Variants in MYO3A observed in about 807,000 individuals in gnomAD.
MYO3A encodes the protein myosin-IIIa.
MYO3A carries 180 observed loss-of-function variants against 192.7 expected under a neutral mutation model. The ratio of observed to expected loss-of-function variants is 0.93; its 90% CI spans 0.83 to 1.06. The LOEUF is 1.06. Among genes scored for constraint, MYO3A ranks in the 50% least tolerant of loss-of-function variants. The probability of loss-of-function intolerance (pLI) is 0.00; values close to 1 mark genes in which losing one functional copy is unlikely to be tolerated. For synonymous variants in MYO3A, 628 were observed against 645.3 expected, an observed-to-expected ratio of 0.97 and a Z score of 0.41; for missense variants, 1,896 against 1,905.0, an observed-to-expected ratio of 1.00 and a Z score of 0.09.
intron 6 of MYO3A, among the ~76,000 whole-genome samples, chr10:26,010,362 A>G (rs75565226): frequency 0.094 from 14,264 of 151,168 alleles, 1,165 homozygotes; most frequent in African/African-American, 0.21. Flanking sequence ...ACCTCAAAAG[A>G]TTTTTTAACC....
chr10:26,104,751 C>G (rs1442979298), intron 17 of MYO3A, among the ~76,000 whole-genome samples: 2 of 151,728 alleles, frequency 1.3e-5, no homozygotes, highest in Non-Finnish European at 1.5e-5. Context: ...TCCCTCTTCC[C>G]CATCTTACCT....
At position 26,075,794 on chromosome 10, in the gene MYO3A, T is replaced by C. The variant is rs1835530416; in HGVS notation, c.1359+5393T>C. On this transcript the variant is annotated intron_variant, in intron 14 of 34. Transcript: ENST00000642920. ...CATATATATATGATATATATGTCTC[T>C]CTCATATATATGATATATATATGTC... 3.4e-5 allele frequency among the ~76,000 whole-genome samples: 5 copies of C among 148,576 alleles called. No individual in the cohort carries two copies. The South Asian group carries it at 1.0e-3, about 31-fold the overall frequency.
chr10:26,051,592 T>C (rs902778815), intron 10 of MYO3A, among the ~76,000 whole-genome samples: 4 of 148,230 alleles, frequency 2.7e-5, no homozygotes, highest in Non-Finnish European at 5.9e-5. Flanking sequence ...TAATATATAG[T>C]ATATATAAAA....
chr10:26,165,562 G>A (rs1276841640), intron 26 of MYO3A, among the ~76,000 whole-genome samples: 2 of 152,132 alleles, frequency 1.3e-5, no homozygotes, highest in African/African-American at 4.8e-5. Context: ...TCTAGCAGGA[G>A]ACATAGTGTC....
At chr10:25,963,942 T>C (rs1002150116) in intron 4 of MYO3A, among the ~76,000 whole-genome samples, 1 of 152,220 alleles carries the variant, frequency 6.6e-6, no homozygotes, top group African/African-American at 2.4e-5. Flanking sequence ...GGCATGCACA[T>C]TTATAGTGTT....
At chr10:25,988,938 TC>T (rs143000648) in intron 4 of MYO3A, among the ~76,000 whole-genome samples, 3 of 125,990 alleles carry the variant, frequency 2.4e-5, no homozygotes, top group Non-Finnish European at 4.9e-5. Context: ...GCCCTAAAAC[TC>T]TTTTTTTTTT....
intron 4 of MYO3A, 36 bp from the exon 5 acceptor site, chr10:25,996,452 CAT>C (rs747653697): frequency 3.4e-5 from 52 of 1,536,118 alleles, no homozygotes; most frequent in Middle Eastern, 1.7e-4. Flanking sequence ...TAAAATGTCA[CAT>C]GTTTTTAATA....
intron 14 of MYO3A, among the ~76,000 whole-genome samples, chr10:26,083,126 C>G (rs116575394): frequency 6.6e-6 from 1 of 152,008 alleles, no homozygotes; most frequent in African/African-American, 2.4e-5. Flanking sequence ...TTGTTGTATT[C>G]GAATTGTCAG....
chr10:25,948,393 A>T (rs998939985), intron 2 of MYO3A, among the ~76,000 whole-genome samples: 3 of 152,184 alleles, frequency 2.0e-5, no homozygotes, highest in African/African-American at 7.2e-5. Flanking sequence ...CAAAAAGATG[A>T]GTATTCATTT....
chr10:26,050,096 A>G (rs746261129), intron 10 of MYO3A, among the ~76,000 whole-genome samples: 10 of 152,180 alleles, frequency 6.6e-5, no homozygotes, highest in Non-Finnish European at 1.5e-4. Flanking sequence ...TAGGTTCTCC[A>G]TAATGAACAT....
intron 17 of MYO3A, among the ~76,000 whole-genome samples, chr10:26,112,992 C>T (rs1838283615): frequency 6.6e-6 from 1 of 152,000 alleles, no homozygotes; most frequent in Non-Finnish European, 1.5e-5. Context: ...ATGAGAATGC[C>T]TTTTTTCTGT....
chr10:26,048,561 G>GTGTA (rs1843773476), intron 10 of MYO3A, among the ~76,000 whole-genome samples: 1 of 151,976 alleles, frequency 6.6e-6, no homozygotes, highest in African/African-American at 2.4e-5. Context: ...ACATATGTGT[G>GTGTA]TGTGTGTGTG....
intron 7 of MYO3A, among the ~76,000 whole-genome samples, chr10:26,020,722 A>T (rs1588795457): frequency 6.6e-6 from 1 of 152,256 alleles, no homozygotes; most frequent in East Asian, 1.9e-4. Flanking sequence ...ATTCACAATC[A>T]ATCTGCATTT....
chr10:25,993,282 C>G (rs540963466), intron 4 of MYO3A, among the ~76,000 whole-genome samples: 2 of 152,232 alleles, frequency 1.3e-5, no homozygotes, highest in African/African-American at 4.8e-5. Flanking sequence ...TCTAGATTTT[C>G]TAATTTATTT....
chr10:26,150,207 T>C (rs1840718112), intron 23 of MYO3A, among the ~76,000 whole-genome samples: 2 of 152,214 alleles, frequency 1.3e-5, no homozygotes. Context: ...TCATGATGCA[T>C]TGTACTTTTT....
chr10:26,129,238 C>T (rs994825087), intron 20 of MYO3A, among the ~76,000 whole-genome samples: 1 of 152,098 alleles, frequency 6.6e-6, no homozygotes, highest in Non-Finnish European at 1.5e-5. Context: ...AATATTTAGG[C>T]TTCTTAAGAG....
intron 15 of MYO3A, among the ~76,000 whole-genome samples, chr10:26,092,065 G>A (rs1332424996): frequency 6.6e-6 from 1 of 152,248 alleles, no homozygotes; most frequent in African/African-American, 2.4e-5. Flanking sequence ...AAGAGGAGGG[G>A]ACTGAGGAGA....
intron 17 of MYO3A, among the ~76,000 whole-genome samples, chr10:26,119,845 C>T (rs998875952): frequency 2.6e-5 from 4 of 152,028 alleles, no homozygotes; most frequent in African/African-American, 9.7e-5. Context: ...CTACTATAAA[C>T]TCTATACTGT....
intron 17 of MYO3A, among the ~76,000 whole-genome samples, chr10:26,106,029 G>A (rs1422316765): frequency 3.3e-5 from 5 of 151,842 alleles, no homozygotes; most frequent in African/African-American, 1.2e-4. Flanking sequence ...GATTACAGTG[G>A]TTTGATTCTG....
Sources: allele counts gnomAD v4.1 joint callset (sites outside exome capture counted in the v4.1 genomes callset), GRCh38; gene constraint gnomAD v4.1.1; transcripts MANE v1.5; gene names NCBI Gene and HGNC (gene_info 2026-07-23, HGNC 2026-07-21).